The following NCOR1 variants were observed in gnomAD, a reference collection of about 807,000 sequenced individuals.
NCOR1 encodes the protein nuclear receptor corepressor 1.
NCOR1 carries 63 observed loss-of-function variants against 288.1 expected under a neutral mutation model. The observed-to-expected ratio is 0.22, with a 90% CI of 0.18 to 0.27. NCOR1 has a LOEUF of 0.27. Ranked by LOEUF, NCOR1 falls within the 10% of genes least tolerant of loss-of-function variation. The pLI is 1.00. For missense variants in NCOR1, 2,397 were observed against 3,019.2 expected (o/e 0.79, Z 4.83); for synonymous variants, 1,007 against 1,065.9 (o/e 0.94, Z 1.08).
At position 16,070,355 on chromosome 17, in the gene NCOR1, G is replaced by A. The variant is rs762689014; in HGVS notation, c.4323C>T (p.Gly1441=). The A allele has an allele frequency of 2.4e-5, 39 of 1,613,986 alleles. No homozygotes were observed. Among genetic ancestry groups the A allele is most frequent in the Non-Finnish European group, 3.2e-5 (38 of 1,180,018 alleles). The change falls in exon 31 of 46, where the codon GGC becomes GGT. Residue 1441 remains glycine (G), a synonymous_variant. Coordinates refer to ENST00000268712, the MANE Select transcript of NCOR1 (RefSeq NM_006311.4). The part of the protein sequence containing the change: ...ERGKYEDVKA[G]ETVRSRHTSV... ...ACGTGTGCCGGGAACGCACGGTCTC[G>A]CCTGCTTTCACATCCTCATATTTTC...
rs184340438 is a variant in NCOR1, at chr17:16,065,855, G to C, written c.4742-161C>G. On this transcript the variant is annotated intron_variant, in intron 32 of 45. Coordinates refer to ENST00000268712, the MANE Select transcript of NCOR1 (RefSeq NM_006311.4). ...TTAAGGTGGATTTATTTTAGACCTT[G>C]ATGTATTAGCAATAGCAATTCTAAT... is the stretch of plus-strand genomic sequence containing the variant. 4.7e-6 allele frequency: 3 copies of C among 637,586 alleles called. No individual in the cohort carries two copies. In the African/African-American group the frequency reaches 5.5e-5, roughly 12 times the overall value. 39.5% of individuals were successfully genotyped at this position (637,586 alleles called of 1,614,324 possible).
chr17:16,200,002 C>T (rs2153579078), intron 1 of NCOR1, among the ~76,000 whole-genome samples: 1 of 152,088 alleles, frequency 6.6e-6, no homozygotes, highest in South Asian at 2.1e-4. Context: ...TAAATCCTCT[C>T]ATATTAAATA....
chr17:16,139,341 CAT>C (rs1213323475), intron 11 of NCOR1, among the ~76,000 whole-genome samples, 155 bp from the exon 12 acceptor site: 2 of 152,150 alleles, frequency 1.3e-5, no homozygotes, highest in Admixed American at 6.6e-5. Flanking sequence ...AATAATTACT[CAT>C]ATATCTAATA....
At chr17:16,084,420 G>A (rs1306820104) in intron 23 of NCOR1, 1 of 152,874 alleles carries the variant, frequency 6.5e-6, no homozygotes, top group Non-Finnish European at 1.5e-5. Flanking sequence ...ATGAGTTCTT[G>A]AATAAAACTT....
intron 8 of NCOR1, chr17:16,151,566 A>C: frequency 7.6e-7 from 1 of 1,313,614 alleles, no homozygotes; most frequent in Non-Finnish European, 1.0e-6. Flanking sequence ...ACTAGTCTTA[A>C]ATGAAAAAGC....
Position 16,061,743 on chromosome 17 carries a change from C to T in NCOR1, c.5539G>A (p.Ala1847Thr), listed in dbSNP as rs1415726513. Residue 1847 changes from alanine to threonine, a missense_variant, in exon 37 of 46, where the codon GCC (alanine) becomes ACC (threonine). Ala to Thr is a moderately conservative substitution (Grantham distance 58, BLOSUM62 0). Transcript: ENST00000268712. Reference sequence around the variant, plus strand: ...CTTCTCAAATTTTCTTCTAACCTGGCAGCTTCATGCTTACTCTCTTTTGTT... The same window carrying T: ...CTTCTCAAATTTTCTTCTAACCTGGTAGCTTCATGCTTACTCTCTTTTGTT... Reference protein sequence around the residue: ...SKTKESKHEAARLEENLRSRS... With the variant: ...SKTKESKHEATRLEENLRSRS... 1 of 1,614,244 alleles carries T rather than the reference C, an allele frequency of 6.2e-7. No individual in the cohort carries two copies. Among genetic ancestry groups the T allele is most frequent in the Admixed American group, 1.7e-5 (1 of 60,032 alleles).
chr17:16,091,037 G>A lies in NCOR1; in HGVS notation c.3016+826C>T, dbSNP rs372471184. Among the ~76,000 whole-genome samples, 4 of 152,182 alleles carry A rather than the reference G, an allele frequency of 2.6e-5. No homozygotes were observed. In the East Asian group the frequency reaches 5.8e-4, roughly 22 times the overall value. On this transcript the variant is annotated intron_variant, in intron 22 of 45. Coordinates refer to ENST00000268712, the MANE Select transcript of NCOR1 (RefSeq NM_006311.4). ...GCCAATTCTTCTAACCATGTCAGAA[G>A]AATGTATTAAAACATAAAAACCACC...
intron 5 of NCOR1, among the ~76,000 whole-genome samples, chr17:16,162,680 G>A (rs2081104196): frequency 6.6e-6 from 1 of 151,892 alleles, no homozygotes; most frequent in Admixed American, 6.6e-5. Context: ...TTAATAAACA[G>A]GCCAAATATA....
chr17:16,167,658 G>C (rs1298028734), intron 4 of NCOR1, among the ~76,000 whole-genome samples: 3 of 151,686 alleles, frequency 2.0e-5, no homozygotes, highest in Non-Finnish European at 4.4e-5. Flanking sequence ...TCAGGAGTTC[G>C]AGACCAGCCT....
intron 2 of NCOR1, among the ~76,000 whole-genome samples, chr17:16,187,596 T>C (rs1224218289): frequency 6.7e-6 from 1 of 149,276 alleles, no homozygotes; most frequent in African/African-American, 2.5e-5. Flanking sequence ...TCCATTTATA[T>C]AAAATGTCTA....
chr17:16,137,282 A>G lies in NCOR1; in HGVS notation c.1509+29T>C, dbSNP rs752118933. ...CTTGCCTATTTCCCCCAATCCTGAA[A>G]TATCTTCCATACAAGTAAGAAAACA... On this transcript the variant is annotated intron_variant, in intron 14 of 45. Coordinates refer to ENST00000268712, the MANE Select transcript of NCOR1 (RefSeq NM_006311.4). 3 of 1,460,998 alleles carry G rather than the reference A, an allele frequency of 2.1e-6. 1 individual carries two copies. Among genetic ancestry groups the G allele is most frequent in the South Asian group, 2.4e-5 (2 of 83,122 alleles). The allele number at this position is 1,460,998 out of a possible 1,614,324, so 90.5% of individuals were successfully genotyped here.
At chr17:16,044,233 A>C (rs1350567333) in intron 42 of NCOR1, among the ~76,000 whole-genome samples, 2 of 151,790 alleles carry the variant, frequency 1.3e-5, no homozygotes, top group Admixed American at 6.6e-5. Flanking sequence ...AATTCTGGTC[A>C]GCATTCTAAA....
Position 16,095,939 on chromosome 17 carries a change from G to A in NCOR1, c.2820+2428C>T, listed in dbSNP as rs550546004. Among the ~76,000 whole-genome samples the A allele has an allele frequency of 1.4e-4, 22 of 152,244 alleles. No homozygotes were observed. The South Asian group carries it at 4.6e-3, about 32-fold the overall frequency. On this transcript the variant is annotated intron_variant, in intron 21 of 45. Transcript: ENST00000268712. Reference sequence around the variant, plus strand: ...ATCGGATGGTTGCTGTGTCTGTGTAGAAAGTAGTAGACATGGGAGACTTTT... The same window carrying A: ...ATCGGATGGTTGCTGTGTCTGTGTAAAAAGTAGTAGACATGGGAGACTTTT...
chr17:16,071,448 G>A lies in NCOR1; in HGVS notation c.4113C>T (p.Val1371=), dbSNP rs1315536413. 6.2e-7 allele frequency: 1 copy of A among 1,614,120 alleles called. No homozygotes were observed. Among genetic ancestry groups the A allele is most frequent in the East Asian group, 2.2e-5 (1 of 44,886 alleles). ...CCTCAATTATCGGCCGTGTGCTCTG[G>A]ACCACTTCTGGAGTTTTCCGACTTT... is the stretch of plus-strand genomic sequence containing the variant. ...TQESRKTPEV[V]QSTRPIIEGS... Residue 1371 remains valine (V), a synonymous_variant, in exon 30 of 46, where the codon GTC becomes GTT. Transcript: ENST00000268712.
At chr17:16,070,103 GTTTT>G (rs368198526) in intron 31 of NCOR1, 58 bp downstream of exon 31, 41 of 1,333,250 alleles carry the variant, frequency 3.1e-5, no homozygotes, top group East Asian at 4.9e-5. Flanking sequence ...CTTGACAAAG[GTTTT>G]TTTTTTTTTT....
chr17:16,213,020 C>T (rs924578923), intron 1 of NCOR1, among the ~76,000 whole-genome samples: 3 of 139,894 alleles, frequency 2.1e-5, no homozygotes, highest in African/African-American at 8.1e-5. Context: ...TGCAGCGAGC[C>T]ACTGTATTTC....
intron 44 of NCOR1, among the ~76,000 whole-genome samples, chr17:16,037,295 G>C (rs2056601422): frequency 6.6e-6 from 1 of 152,068 alleles, no homozygotes; most frequent in African/African-American, 2.4e-5. Context: ...TCATGAACAA[G>C]TTTGAAATAT....
At chr17:16,167,693 C>T (rs998924721) in intron 4 of NCOR1, among the ~76,000 whole-genome samples, 1 of 151,604 alleles carries the variant, frequency 6.6e-6, no homozygotes, top group Non-Finnish European at 1.5e-5. Flanking sequence ...AACCCCATCT[C>T]TACTAAAACT....
chr17:16,212,953 G>C (rs1174557739), intron 1 of NCOR1, among the ~76,000 whole-genome samples: 1 of 150,454 alleles, frequency 6.6e-6, no homozygotes, highest in Non-Finnish European at 1.5e-5. Context: ...TGTGCCTGTA[G>C]TCCCAGCGAC....
Sources: gnomAD v4.1 joint callset for allele counts (sites outside exome capture counted in the v4.1 genomes callset) on GRCh38, gnomAD v4.1.1 for gene constraint, MANE v1.5 for transcripts, NCBI Gene and HGNC (gene_info 2026-07-23, HGNC 2026-07-21) for gene names.